Variants in ADD3 observed in about 807,000 individuals in gnomAD.
ADD3 encodes the protein gamma-adducin.
ADD3 carries 25 observed loss-of-function variants against 80.2 expected under a neutral mutation model. That is an observed-to-expected ratio of 0.31 (90% CI 0.23 to 0.44). The LOEUF (loss-of-function observed/expected upper bound fraction) is 0.44, where lower values mean the gene tolerates loss of function less well. ADD3 is among the 20% of genes least tolerant of loss of function. The pLI is 1.00. For missense variants in ADD3, 829 were observed against 847.5 expected, an observed-to-expected ratio of 0.98 and a Z score of 0.27; for synonymous variants, 284 against 289.6, an observed-to-expected ratio of 0.98 and a Z score of 0.20.
intron 1 of ADD3, among the ~76,000 whole-genome samples, chr10:110,068,430 A>G (rs1005200463): frequency 6.6e-6 from 1 of 152,228 alleles, no homozygotes; most frequent in East Asian, 1.9e-4. Context: ...TAGCATTTAC[A>G]TTGTATTAGG....
At chr10:109,999,903 G>A (rs1851452018) in intron 1 of ADD3, among the ~76,000 whole-genome samples, 1 of 150,004 alleles carries the variant, frequency 6.7e-6, no homozygotes, top group Non-Finnish European at 1.5e-5. Flanking sequence ...GAGGCCATAA[G>A]CTATGTCTTA....
At chr10:110,127,471 GCTGTGC>G in intron 12 of ADD3, among the ~76,000 whole-genome samples, 1 of 152,278 alleles carries the variant, frequency 6.6e-6, no homozygotes, top group Admixed American at 6.5e-5. Flanking sequence ...ACAAAAATTA[GCTGTGC>G]GTGGTGGCGT....
intron 1 of ADD3, among the ~76,000 whole-genome samples, chr10:110,041,355 G>T (rs939516507): frequency 3.3e-5 from 5 of 152,104 alleles, no homozygotes; most frequent in African/African-American, 7.2e-5. Flanking sequence ...TGAATACCAA[G>T]GTATAAAATC....
chr10:110,085,827 C>T lies in ADD3; in HGVS notation c.-29-14798C>T, dbSNP rs999115409. Among the ~76,000 whole-genome samples the T allele has an allele frequency of 3.3e-5, 5 of 152,258 alleles. No homozygotes were observed. The South Asian group carries it at 6.2e-4, about 19-fold the overall frequency. On this transcript the variant is annotated intron_variant, in intron 1 of 14. Transcript: ENST00000356080. ...TAATGATTAAGAAACAGACTTGGGC[C>T]GGGCATGGTGGCTCACGCCTGTAAT...
intron 1 of ADD3, among the ~76,000 whole-genome samples, chr10:110,051,121 A>C (rs1173270950): frequency 6.6e-6 from 1 of 152,198 alleles, no homozygotes; most frequent in Admixed American, 6.5e-5. Context: ...CAAAAAAATG[A>C]AGTAAGACCC....
At chr10:110,007,294 C>G (rs1851718287), upstream of ADD3, among the ~76,000 whole-genome samples, 1 of 152,158 alleles carries the variant, frequency 6.6e-6, no homozygotes, top group African/African-American at 2.4e-5. Flanking sequence ...TGTCCTCCCC[C>G]TATGTGGAGG....
intron 2 of ADD3, among the ~76,000 whole-genome samples, chr10:110,105,573 A>G (rs1000782055): frequency 2.0e-5 from 3 of 152,190 alleles, no homozygotes; most frequent in Non-Finnish European, 2.9e-5. Context: ...CCTTACCACC[A>G]TGGGAAGCAG....
At position 110,117,327 on chromosome 10, in the gene ADD3, T is replaced by G; in HGVS notation, c.487-15T>G. On this transcript the variant is annotated splice_polypyrimidine_tract_variant and intron_variant, in intron 4 of 14. Coordinates refer to ENST00000356080, the MANE Select transcript of ADD3 (RefSeq NM_016824.5). Reference sequence around the variant, plus strand: ...GAACCACTTCATAGTAATTCCCTGTTGTTTTTTTTTCCAGGTAAGAATAAG... The same window carrying G: ...GAACCACTTCATAGTAATTCCCTGTGGTTTTTTTTTCCAGGTAAGAATAAG... 7.0e-7 allele frequency: 1 copy of G among 1,423,816 alleles called. No individual in the cohort carries two copies. The highest frequency in any genetic ancestry group is 9.9e-7 in the Non-Finnish European group (1 of 1,012,674). 88.2% of individuals were successfully genotyped at this position (1,423,816 alleles called of 1,614,324 possible).
intron 8 of ADD3, 164 bp downstream of exon 8, chr10:110,119,728 A>G (rs1050788545): frequency 1.7e-6 from 1 of 593,446 alleles, no homozygotes; most frequent in Non-Finnish European, 2.9e-6. Context: ...TATCTCTTGA[A>G]TTGAAAATAG....
intron 1 of ADD3, among the ~76,000 whole-genome samples, chr10:110,055,546 A>ATT (rs57819139): frequency 0.091 from 13,859 of 151,502 alleles, 2,035 homozygotes; most frequent in African/African-American, 0.31. Flanking sequence ...TTTTTCCTTG[A>ATT]TTTTTTTTTC....
At chr10:110,089,187 G>A (rs533361349) in intron 1 of ADD3, among the ~76,000 whole-genome samples, 3 of 152,090 alleles carry the variant, frequency 2.0e-5, no homozygotes, top group Middle Eastern at 3.4e-3. Context: ...TAAAAAAAAA[G>A]CTTTTTGCCT....
chr10:110,001,685 TA>T (rs1279010738), upstream of ADD3, among the ~76,000 whole-genome samples: 1 of 151,916 alleles, frequency 6.6e-6, no homozygotes, highest in Admixed American at 6.6e-5. Context: ...GATTTTTTTT[TA>T]AAAAAAGTCT....
In ADD3 at chr10:110,008,252, T is replaced by G. The variant is rs1020030794; in HGVS notation, c.-77T>G. On this transcript the variant is annotated 5_prime_UTR_variant, in exon 1 of 15. Transcript: ENST00000356080. ...CGGCGGCTGCTGCAGCCCGGGCGGC[T>G]GCCGAGAAGGAGGGAGGGGAAACAC... 6.6e-6 allele frequency: 1 copy of G among 152,080 alleles called. No individual in the cohort carries two copies. Among genetic ancestry groups the G allele is most frequent in the Non-Finnish European group, 1.5e-5 (1 of 68,078 alleles). 9.4% of individuals were successfully genotyped at this position (152,080 alleles called of 1,614,324 possible). A position where few individuals can be genotyped will look rare whatever the true frequency, so the allele number is the denominator to read the frequency against.
At chr10:110,033,396 G>A (rs1855282540) in intron 1 of ADD3, among the ~76,000 whole-genome samples, 1 of 152,176 alleles carries the variant, frequency 6.6e-6, no homozygotes, top group African/African-American at 2.4e-5. Flanking sequence ...ATATAAAGAG[G>A]ATAAAGAGAA....
At chr10:110,062,841 A>C (rs2133529052) in intron 1 of ADD3, among the ~76,000 whole-genome samples, 1 of 152,328 alleles carries the variant, frequency 6.6e-6, no homozygotes, top group South Asian at 2.1e-4. Context: ...AAGTAGCATA[A>C]TATGGATATA....
At chr10:110,132,620 C>T (rs956004096) in intron 14 of ADD3, 12 of 483,332 alleles carry the variant, frequency 2.5e-5, no homozygotes, top group Admixed American at 2.3e-4. Context: ...TTTGGCAACC[C>T]GCAGTTCTTA....
chr10:110,055,366 G>A (rs1245702630), intron 1 of ADD3, among the ~76,000 whole-genome samples: 1 of 152,108 alleles, frequency 6.6e-6, no homozygotes, highest in African/African-American at 2.4e-5. Context: ...CTTCTTGAAC[G>A]TTAATTTGCT....
intron 2 of ADD3, 32 bp from the exon 3 acceptor site, chr10:110,112,745 G>T (rs754190904): frequency 6.3e-7 from 1 of 1,598,910 alleles, no homozygotes; most frequent in Admixed American, 1.8e-5. Flanking sequence ...ATTCAGTCTT[G>T]CTTGCTCAGT....
chr10:110,066,799 A>G (rs1844011883), intron 1 of ADD3, among the ~76,000 whole-genome samples: 3 of 152,214 alleles, frequency 2.0e-5, no homozygotes, highest in African/African-American at 7.2e-5. Flanking sequence ...TCTTTGAGAT[A>G]TAATTGTCTA....
Sources: allele counts gnomAD v4.1 joint callset (sites outside exome capture counted in the v4.1 genomes callset), GRCh38; gene constraint gnomAD v4.1.1; transcripts MANE v1.5; gene names NCBI Gene and HGNC (gene_info 2026-07-23, HGNC 2026-07-21).